CHCHD3: variants seen among roughly 807,000 people sequenced by gnomAD.
CHCHD3 encodes the protein MICOS complex subunit MIC19.
In CHCHD3, 20 loss-of-function variants were observed where a neutral mutation model predicts 38.2. That is an observed-to-expected ratio of 0.52 (90% confidence interval 0.37 to 0.76). The LOEUF (loss-of-function observed/expected upper bound fraction) is 0.76. Ranked by LOEUF, CHCHD3 falls within the 30% of genes least tolerant of loss-of-function variation. The pLI is 0.00. For synonymous variants in CHCHD3, 82 were observed against 100.0 expected (o/e 0.82, Z 1.07); for missense variants, 245 against 279.2 (o/e 0.88, Z 0.87).
chr7:132,978,025 A>T (rs1187501513), intron 3 of CHCHD3, among the ~76,000 whole-genome samples: 2 of 152,196 alleles, frequency 1.3e-5, no homozygotes, highest in Non-Finnish European at 2.9e-5. Context: ...CTGAATAAGT[A>T]CTTTATTTAA....
At chr7:132,991,605 T>C (rs1263096840) in intron 3 of CHCHD3, among the ~76,000 whole-genome samples, 1 of 152,240 alleles carries the variant, frequency 6.6e-6, no homozygotes, top group East Asian at 1.9e-4. Flanking sequence ...TCTCTACTGT[T>C]GTTTAAAAAC....
At chr7:133,022,983 A>AG (rs1170098435) in intron 3 of CHCHD3, among the ~76,000 whole-genome samples, 5 of 151,994 alleles carry the variant, frequency 3.3e-5, no homozygotes, top group Non-Finnish European at 5.9e-5. Context: ...ATGAGAATCT[A>AG]ACCAAAAAAC....
At chr7:133,063,299 T>C (rs1218348271) in intron 2 of CHCHD3, among the ~76,000 whole-genome samples, 1 of 152,140 alleles carries the variant, frequency 6.6e-6, no homozygotes, top group African/African-American at 2.4e-5. Context: ...CATGGAGCAG[T>C]AGTTACCATA....
chr7:132,868,307 T>A (rs937065470), intron 5 of CHCHD3, among the ~76,000 whole-genome samples: 9 of 152,214 alleles, frequency 5.9e-5, no homozygotes, highest in African/African-American at 1.9e-4. Context: ...TTTATACAGA[T>A]CTTTTTGAAA....
chr7:132,810,868 G>GA (rs1198784140), intron 6 of CHCHD3, among the ~76,000 whole-genome samples: 1 of 151,988 alleles, frequency 6.6e-6, no homozygotes, highest in Non-Finnish European at 1.5e-5. Context: ...TATGTCTGGA[G>GA]AAAAATCACA....
At chr7:132,924,066 C>G (rs1401766064) in intron 4 of CHCHD3, among the ~76,000 whole-genome samples, 1 of 152,006 alleles carries the variant, frequency 6.6e-6, no homozygotes, top group Non-Finnish European at 1.5e-5. Context: ...CCATTCAATT[C>G]AACTAGAAGA....
At chr7:133,001,120 G>C (rs776881998) in intron 3 of CHCHD3, among the ~76,000 whole-genome samples, 11 of 152,132 alleles carry the variant, frequency 7.2e-5, no homozygotes, top group Non-Finnish European at 1.3e-4. Flanking sequence ...TGCAAGGCCT[G>C]TGTTTAACCT....
intron 4 of CHCHD3, among the ~76,000 whole-genome samples, chr7:132,923,903 T>C (rs1162232026): frequency 6.6e-6 from 1 of 152,084 alleles, no homozygotes; most frequent in Non-Finnish European, 1.5e-5. Context: ...AATTAACACA[T>C]AGATGAATTG....
intron 3 of CHCHD3, chr7:133,022,625 T>C (rs1470653278): frequency 7.8e-5 from 31 of 396,974 alleles, no homozygotes; most frequent in South Asian, 2.6e-4. Flanking sequence ...CAAAACTTTT[T>C]TTAAAAAAGA....
chr7:132,870,204 G>C (rs1274072261), intron 5 of CHCHD3, among the ~76,000 whole-genome samples: 1 of 151,884 alleles, frequency 6.6e-6, no homozygotes, highest in Non-Finnish European at 1.5e-5. Flanking sequence ...ACAAAAATTA[G>C]CCCGGTGTGA....
intron 4 of CHCHD3, among the ~76,000 whole-genome samples, chr7:132,943,813 C>A (rs1810831277): frequency 6.6e-6 from 1 of 152,110 alleles, no homozygotes; most frequent in Non-Finnish European, 1.5e-5. Context: ...CCACATATGT[C>A]TGGCGATGTC....
intron 6 of CHCHD3, 73 bp from the exon 7 acceptor site, chr7:132,796,650 T>TA: frequency 7.4e-7 from 1 of 1,343,792 alleles, no homozygotes; most frequent in South Asian, 1.4e-5. Flanking sequence ...AAAGAACACA[T>TA]AAAACGCACA....
At chr7:132,996,743 C>G (rs991441132) in intron 3 of CHCHD3, among the ~76,000 whole-genome samples, 6 of 152,108 alleles carry the variant, frequency 3.9e-5, no homozygotes, top group Admixed American at 3.9e-4. Context: ...GGCAGCGGTG[C>G]GATGCTGAGG....
At chr7:132,903,324 T>G (rs1809715782) in intron 4 of CHCHD3, among the ~76,000 whole-genome samples, 1 of 147,728 alleles carries the variant, frequency 6.8e-6, no homozygotes, top group Non-Finnish European at 1.5e-5. Flanking sequence ...TCTTTTTAGT[T>G]GTTATATTGG....
Position 132,975,209 on chromosome 7 carries a change from C to T in CHCHD3, c.329G>A (p.Arg110Lys), listed in dbSNP as rs760273913. ...AGCGCGTTCCTCCTCGCTACATATC[C>T]TCTCCCGAAGGATGGCTCTGGTTAA... is the stretch of plus-strand genomic sequence containing the variant. The part of the protein sequence containing the change: ...EQLTRAILRE[R>K]ICSEEERAKA... Residue 110 changes from arginine (R) to lysine (K), a missense_variant, in exon 4 of 8, where the codon AGG (arginine) becomes AAG (lysine). Transcript: ENST00000262570. 1 of 1,612,482 alleles carries T rather than the reference C, an allele frequency of 6.2e-7. No individual in the cohort carries two copies.
chr7:132,922,600 G>A (rs1810287791), intron 4 of CHCHD3, among the ~76,000 whole-genome samples: 1 of 151,112 alleles, frequency 6.6e-6, no homozygotes, highest in South Asian at 2.1e-4. Flanking sequence ...AGATACTACT[G>A]ATAAACTTTG....
intron 6 of CHCHD3, among the ~76,000 whole-genome samples, chr7:132,835,588 T>C (rs1261286069): frequency 6.6e-6 from 1 of 152,162 alleles, no homozygotes; most frequent in Non-Finnish European, 1.5e-5. Flanking sequence ...ACATGGCAGC[T>C]GGGCAGAGAT....
chr7:132,803,784 T>G (rs764500858), intron 6 of CHCHD3, among the ~76,000 whole-genome samples: 34 of 146,844 alleles, frequency 2.3e-4, no homozygotes, highest in Non-Finnish European at 4.7e-4. Flanking sequence ...CTCTTCCCGG[T>G]GGTGGGTTGC....
intron 6 of CHCHD3, among the ~76,000 whole-genome samples, chr7:132,824,225 T>C (rs2117073029): frequency 6.6e-6 from 1 of 150,512 alleles, no homozygotes; most frequent in South Asian, 2.1e-4. Flanking sequence ...CCAGAAACAA[T>C]GACCAACTCA....
Sources: allele counts gnomAD v4.1 joint callset (sites outside exome capture counted in the v4.1 genomes callset), GRCh38; gene constraint gnomAD v4.1.1; transcripts MANE v1.5; gene names NCBI Gene and HGNC (gene_info 2026-07-23, HGNC 2026-07-21).